MAPK4: variants seen among roughly 807,000 people sequenced by gnomAD.
The protein encoded by MAPK4 is mitogen-activated protein kinase 4, also known as Erk3-related.
Under a neutral mutation model 47.7 loss-of-function variants are expected in MAPK4, and 22 were observed. That is an observed-to-expected ratio of 0.46 (90% CI 0.33 to 0.66). MAPK4 has a LOEUF of 0.66. Ranked by LOEUF, MAPK4 falls within the 30% of genes least tolerant of loss-of-function variation. The pLI is 0.02. For synonymous variants in MAPK4, 390 were observed against 365.7 expected (o/e 1.07, Z -0.76); for missense variants, 736 against 831.7 (o/e 0.88, Z 1.42).
chr18:50,584,064 A>G (rs2042368988), intron 1 of MAPK4, among the ~76,000 whole-genome samples: 1 of 152,214 alleles, frequency 6.6e-6, no homozygotes, highest in Non-Finnish European at 1.5e-5. Context: ...TTCACTGAAG[A>G]GTGCCTGAAG....
At position 50,688,433 on chromosome 18, in the gene MAPK4, T is replaced by A. The variant is rs1206833835; in HGVS notation, c.546+23929T>A. 2.6e-5 allele frequency among the ~76,000 whole-genome samples: 4 copies of A among 152,282 alleles called. No homozygotes were observed. The East Asian group carries it at 7.7e-4, about 29-fold the overall frequency. On this transcript the variant is annotated intron_variant, in intron 2 of 5. Transcript: ENST00000400384. ...CAGAAAAGGCATGTGGAGGCCCCACTGGGGAACATGACTTGAGTTAACCTC... is the reference window on the plus strand; with the variant it reads ...CAGAAAAGGCATGTGGAGGCCCCACAGGGGAACATGACTTGAGTTAACCTC...
Position 50,729,589 on chromosome 18 carries a change from C to G in MAPK4, c.1499C>G (p.Thr500Arg). The G allele has an allele frequency of 7.1e-7, 1 of 1,406,918 alleles. No individual in the cohort carries two copies. Among genetic ancestry groups the G allele is most frequent in the East Asian group, 2.7e-5 (1 of 36,534 alleles). 87.2% of individuals were successfully genotyped at this position (1,406,918 alleles called of 1,614,324 possible). A position where few individuals can be genotyped will look rare whatever the true frequency, so the allele number is the denominator to read the frequency against. Residue 500 changes from threonine (T) to arginine (R), a missense_variant, in exon 6 of 6, where the codon ACG becomes AGG. By Grantham distance (71) the Thr-to-Arg change is moderately conservative (BLOSUM62 -1). Around this residue, in one of 3 missense-constraint regions of MAPK4, gnomAD observed 377 missense variants for 378.6 expected, o/e 1.00. Transcript: ENST00000400384. ...GAGATCGCGCAGTGGGTCAAGAGCACGCAGGGCGGCCCAGAGCACGCCAGC... is the reference window on the plus strand; with the variant it reads ...GAGATCGCGCAGTGGGTCAAGAGCAGGCAGGGCGGCCCAGAGCACGCCAGC... ...FLEIAQWVKS[T>R]QGGPEHASPP...
intron 2 of MAPK4, among the ~76,000 whole-genome samples, chr18:50,681,960 A>C (rs966510271): frequency 6.6e-6 from 1 of 152,216 alleles, no homozygotes; most frequent in Non-Finnish European, 1.5e-5. Flanking sequence ...AAGTGAAAGA[A>C]GCCAGTCACA....
intron 1 of MAPK4, among the ~76,000 whole-genome samples, chr18:50,611,034 GAGA>G (rs1568044470): frequency 6.6e-6 from 1 of 152,022 alleles, no homozygotes; most frequent in African/African-American, 2.4e-5. Flanking sequence ...AGGGACTGCA[GAGA>G]AGAAGGACAT....
intron 2 of MAPK4, among the ~76,000 whole-genome samples, chr18:50,673,377 A>G (rs1413708824): frequency 1.3e-5 from 2 of 152,202 alleles, no homozygotes; most frequent in Admixed American, 1.3e-4. Flanking sequence ...GAGAGCTGCC[A>G]CCTCCTGTGG....
At chr18:50,560,514 G>A (rs1009015590) in intron 1 of MAPK4, 3 of 152,608 alleles carry the variant, frequency 2.0e-5, no homozygotes, top group Middle Eastern at 3.3e-3. Context: ...TTTGGGATGG[G>A]AGGTTGCCGC....
intron 2 of MAPK4, among the ~76,000 whole-genome samples, chr18:50,697,204 T>C (rs1172548027): frequency 1.3e-5 from 2 of 152,300 alleles, no homozygotes; most frequent in East Asian, 3.9e-4. Context: ...AAACAAAACC[T>C]GGGTTTATTC....
At chr18:50,707,834 T>C (rs1910141559) in intron 2 of MAPK4, among the ~76,000 whole-genome samples, 1 of 152,200 alleles carries the variant, frequency 6.6e-6, no homozygotes, top group Non-Finnish European at 1.5e-5. Context: ...TTGGTTGATT[T>C]CCATGGAAAC....
intron 1 of MAPK4, among the ~76,000 whole-genome samples, chr18:50,590,732 G>A (rs1021744234): frequency 3.3e-5 from 5 of 152,204 alleles, no homozygotes; most frequent in East Asian, 1.9e-4. Flanking sequence ...GCTGTGCAGA[G>A]ACAGAGGGAC....
intron 2 of MAPK4, among the ~76,000 whole-genome samples, chr18:50,712,744 C>T (rs986739698): frequency 1.3e-5 from 2 of 152,138 alleles, no homozygotes; most frequent in African/African-American, 4.8e-5. Context: ...CAATTCCAGA[C>T]CATTCTGTTT....
chr18:50,669,797 A>C (rs576536298), intron 2 of MAPK4: 1 of 152,230 alleles, frequency 6.6e-6, no homozygotes, highest in African/African-American at 2.4e-5. Flanking sequence ...TAGCATATCC[A>C]TTCCTCATTC....
At chr18:50,668,575 G>A (rs1437023477) in intron 2 of MAPK4, among the ~76,000 whole-genome samples, 2 of 152,222 alleles carry the variant, frequency 1.3e-5, no homozygotes, top group Non-Finnish European at 2.9e-5. Flanking sequence ...AGAGGCTCCT[G>A]CAGCCCACAC....
chr18:50,639,400 TG>T (rs1483125890), intron 1 of MAPK4, among the ~76,000 whole-genome samples: 1 of 152,174 alleles, frequency 6.6e-6, no homozygotes, highest in African/African-American at 2.4e-5. Context: ...TTTGGTATTT[TG>T]TTAAGGGAGG....
intron 2 of MAPK4, among the ~76,000 whole-genome samples, chr18:50,696,460 G>T (rs1243428846): frequency 6.6e-6 from 1 of 151,898 alleles, no homozygotes; most frequent in African/African-American, 2.4e-5. Context: ...TTTGAGGTGG[G>T]CGGCATCTCC....
At chr18:50,669,386 G>A (rs1316626299) in intron 2 of MAPK4, 1 of 152,262 alleles carries the variant, frequency 6.6e-6, no homozygotes, top group Non-Finnish European at 1.5e-5. Flanking sequence ...AGAGTATGCG[G>A]AGGTCCTGAG....
chr18:50,632,240 A>G (rs1383309063), intron 1 of MAPK4, among the ~76,000 whole-genome samples: 1 of 152,156 alleles, frequency 6.6e-6, no homozygotes, highest in East Asian at 1.9e-4. Flanking sequence ...TTTCTCTCCA[A>G]ATTTCACGTG....
chr18:50,713,474 C>T (rs1174074054), intron 2 of MAPK4, among the ~76,000 whole-genome samples: 1 of 152,186 alleles, frequency 6.6e-6, no homozygotes, highest in Non-Finnish European at 1.5e-5. Context: ...AGGTTCAGAC[C>T]ATATGAGATG....
chr18:50,576,832 T>C lies in MAPK4; in HGVS notation c.-871+16589T>C, dbSNP rs559059768. Among the ~76,000 whole-genome samples the C allele has an allele frequency of 6.1e-4, 93 of 152,318 alleles. 2 individuals are homozygous for C. The highest frequency in any genetic ancestry group is 1.6e-4 in the Non-Finnish European group (11 of 68,016). ...CTTTTATGCCAAGCCCTGCTCTGGATTCATAGGGTCCTAGGTGGCACCAAT... is the reference window on the plus strand; with the variant it reads ...CTTTTATGCCAAGCCCTGCTCTGGACTCATAGGGTCCTAGGTGGCACCAAT... On this transcript the variant is annotated intron_variant, in intron 1 of 5. Coordinates refer to ENST00000400384, the MANE Select transcript of MAPK4 (RefSeq NM_002747.4).
At chr18:50,570,792 A>G (rs2042243217) in intron 1 of MAPK4, among the ~76,000 whole-genome samples, 1 of 152,126 alleles carries the variant, frequency 6.6e-6, no homozygotes, top group African/African-American at 2.4e-5. Flanking sequence ...TCTTCCCCCA[A>G]CTTTCAAGAA....
Sources: allele counts gnomAD v4.1 joint callset (sites outside exome capture counted in the v4.1 genomes callset), GRCh38; gene constraint gnomAD v4.1.1; regional missense constraint gnomAD v4.1.1; transcripts MANE v1.5; gene names NCBI Gene and HGNC (gene_info 2026-07-23, HGNC 2026-07-21).